PALS2: variants seen among roughly 807,000 people sequenced by gnomAD.
PALS2 encodes the protein protein PALS2.
A neutral mutation model predicts 61.6 loss-of-function variants in PALS2; 27 were observed. That is an observed-to-expected ratio of 0.44 (90% CI 0.32 to 0.60). The LOEUF (loss-of-function observed/expected upper bound fraction) is 0.60, where lower values mean the gene tolerates loss of function less well. PALS2 is among the 20% of genes least tolerant of loss of function. PALS2 has a pLI of 0.05. For synonymous variants in PALS2, 236 were observed against 218.6 expected (o/e 1.08, Z -0.70); for missense variants, 554 against 639.4 (o/e 0.87, Z 1.44).
At chr7:24,619,223 C>CTTTGTT in intron 1 of PALS2, among the ~76,000 whole-genome samples, 1 of 152,104 alleles carries the variant, frequency 6.6e-6, no homozygotes, top group East Asian at 1.9e-4. Flanking sequence ...ACAATTTAAT[C>CTTTGTT]TTTGTTTTTG....
At chr7:24,676,135 A>T (rs528648367) in intron 9 of PALS2, among the ~76,000 whole-genome samples, 1 of 151,822 alleles carries the variant, frequency 6.6e-6, no homozygotes, top group South Asian at 2.1e-4. Context: ...CATTTCTCTG[A>T]TGGCCAGTGA....
intron 2 of PALS2, among the ~76,000 whole-genome samples, chr7:24,627,686 C>G (rs979277592): frequency 6.6e-6 from 1 of 152,008 alleles, no homozygotes; most frequent in Non-Finnish European, 1.5e-5. Context: ...AAAGGGGATA[C>G]CATCACTGAT....
intron 9 of PALS2, among the ~76,000 whole-genome samples, chr7:24,675,189 G>C (rs979374889): frequency 6.6e-6 from 1 of 151,974 alleles, no homozygotes; most frequent in Non-Finnish European, 1.5e-5. Context: ...TGGAGGTAGA[G>C]GTAATACATG....
intron 2 of PALS2, among the ~76,000 whole-genome samples, chr7:24,641,444 AT>A (rs1562634676): frequency 6.6e-6 from 1 of 152,160 alleles, no homozygotes; most frequent in Non-Finnish European, 1.5e-5. Context: ...TTTGTAAATA[AT>A]TAGCTGACTT....
At chr7:24,654,585 A>C (rs1282744980) in intron 5 of PALS2, among the ~76,000 whole-genome samples, 1 of 152,184 alleles carries the variant, frequency 6.6e-6, no homozygotes, top group Non-Finnish European at 1.5e-5. Flanking sequence ...ACCTCTACAC[A>C]AAGGAATTAT....
chr7:24,644,081 A>G (rs980019666), intron 3 of PALS2, among the ~76,000 whole-genome samples: 1 of 148,912 alleles, frequency 6.7e-6, no homozygotes, highest in Non-Finnish European at 1.5e-5. Flanking sequence ...GCCTAAATCA[A>G]TATTTTCTTT....
Position 24,668,657 on chromosome 7 carries a change from C to A in PALS2, c.1111C>A (p.Pro371Thr). 6.2e-7 allele frequency: 1 copy of A among 1,613,480 alleles called. No individual in the cohort carries two copies. The highest frequency in any genetic ancestry group is 8.5e-7 in the Non-Finnish European group (1 of 1,179,748). The change falls in exon 9 of 12, where the codon CCA becomes ACA. Residue 371 changes from proline (P) to threonine (T), a missense_variant. Coordinates refer to ENST00000222644, the MANE Select transcript of PALS2 (RefSeq NM_001303037.2). ...LNPTRFGTTV[P>T]FTSRKPREDE... ...TCCCACTAGATTTGGAACTACGGTG[C>A]CATGTAAGTTTTCTGTGTTTTCCTT...
intron 2 of PALS2, among the ~76,000 whole-genome samples, chr7:24,638,322 C>T (rs377558528): frequency 0.018 from 204 of 11,652 alleles, 2 homozygotes; most frequent in East Asian, 0.02. Context: ...TCTGTATTTT[C>T]TTTTTTTTTT....
Position 24,691,752 on chromosome 7 carries a change from A to G in PALS2, c.*4138A>G, listed in dbSNP as rs772613306. On this transcript the variant is annotated 3_prime_UTR_variant, in exon 12 of 12. Coordinates refer to ENST00000222644, the MANE Select transcript of PALS2 (RefSeq NM_001303037.2). Reference sequence around the variant, plus strand: ...AATTCTTATTTAAACTTTTGAATGAATCTTTAATATGATTCAGGCTGAGAT... The same window carrying G: ...AATTCTTATTTAAACTTTTGAATGAGTCTTTAATATGATTCAGGCTGAGAT... 1 of 152,018 alleles carries G rather than the reference A, an allele frequency of 6.6e-6. No individual in the cohort carries two copies. The highest frequency in any genetic ancestry group is 1.5e-5 in the Non-Finnish European group (1 of 67,930). 9.4% of individuals were successfully genotyped at this position (152,018 alleles called of 1,614,324 possible). A position where few individuals can be genotyped will look rare whatever the true frequency, so the allele number is the denominator to read the frequency against.
rs74993177 is a variant in PALS2 at position 24,603,406 on chromosome 7, A to G, written c.-2-20260A>G. Among the ~76,000 whole-genome samples, 37 of 152,342 alleles carry G rather than the reference A, an allele frequency of 2.4e-4. 2 individuals carry two copies. The East Asian group carries it at 6.8e-3, about 28-fold the overall frequency. Reference sequence around the variant, plus strand: ...ATAGAGAAAACCTGCTGCTGTGCTAATTTGACATTGTGGACCAGCAGAAAT... The same window carrying G: ...ATAGAGAAAACCTGCTGCTGTGCTAGTTTGACATTGTGGACCAGCAGAAAT... On this transcript the variant is annotated intron_variant, in intron 1 of 11. Coordinates refer to ENST00000222644, the MANE Select transcript of PALS2 (RefSeq NM_001303037.2).
At chr7:24,576,521 A>C (rs1238724440) in intron 1 of PALS2, among the ~76,000 whole-genome samples, 1 of 152,236 alleles carries the variant, frequency 6.6e-6, no homozygotes, top group Admixed American at 6.5e-5. Flanking sequence ...GCATGCTTAC[A>C]AAGTATCATT....
chr7:24,655,698 G>A (rs1033826942), intron 5 of PALS2, among the ~76,000 whole-genome samples: 2 of 143,256 alleles, frequency 1.4e-5, no homozygotes, highest in African/African-American at 2.6e-5. Flanking sequence ...GTGCAGTGGC[G>A]TGATCTTGGC....
intron 1 of PALS2, among the ~76,000 whole-genome samples, chr7:24,594,461 A>G (rs1346690555): frequency 6.6e-6 from 1 of 152,034 alleles, no homozygotes; most frequent in Non-Finnish European, 1.5e-5. Context: ...TCCCTTCCTT[A>G]TTAAATGTAA....
intron 1 of PALS2, among the ~76,000 whole-genome samples, chr7:24,601,400 G>T (rs566880739): frequency 2.0e-5 from 3 of 151,906 alleles, no homozygotes; most frequent in South Asian, 4.1e-4. Flanking sequence ...TCAACTTTCA[G>T]TGCATTCATT....
At chr7:24,612,576 A>G (rs769652307) in intron 1 of PALS2, among the ~76,000 whole-genome samples, 3 of 151,700 alleles carry the variant, frequency 2.0e-5, no homozygotes, top group Non-Finnish European at 3.0e-5. Context: ...CATTTAATCA[A>G]TTTATTTTAA....
chr7:24,673,922 G>T (rs138696085), intron 9 of PALS2, among the ~76,000 whole-genome samples: 89 of 151,898 alleles, frequency 5.9e-4, no homozygotes, highest in African/African-American at 2.1e-3. Flanking sequence ...TTCCCTCTAA[G>T]CACTTAGTTG....
In PALS2 at chr7:24,677,004, A is replaced by G. The variant is rs1333667718; in HGVS notation, c.1115-2127A>G. On this transcript the variant is annotated intron_variant, in intron 9 of 11. Coordinates refer to ENST00000222644, the MANE Select transcript of PALS2 (RefSeq NM_001303037.2). ...TTCACGATATTGATTCTTCCTACCC[A>G]TGAGCATGGAATGTTCTTGCATTTG... is the stretch of plus-strand genomic sequence containing the variant. Among the ~76,000 whole-genome samples, 7 of 151,402 alleles carry G rather than the reference A, an allele frequency of 4.6e-5. 2 individuals are homozygous for G. Among genetic ancestry groups the G allele is most frequent in the African/African-American group, 1.5e-4 (6 of 40,660 alleles).
chr7:24,616,912 A>G (rs998384724), intron 1 of PALS2, among the ~76,000 whole-genome samples: 3 of 152,136 alleles, frequency 2.0e-5, no homozygotes, highest in Non-Finnish European at 4.4e-5. Flanking sequence ...GATTTTATCA[A>G]TTCGAGGACT....
intron 11 of PALS2, among the ~76,000 whole-genome samples, chr7:24,684,870 T>G (rs1031848994): frequency 1.3e-5 from 2 of 152,226 alleles, no homozygotes; most frequent in African/African-American, 4.8e-5. Flanking sequence ...GTTATATCTG[T>G]ATTAACAATA....
Sources: gnomAD v4.1 joint callset for allele counts (sites outside exome capture counted in the v4.1 genomes callset) on GRCh38, gnomAD v4.1.1 for gene constraint, MANE v1.5 for transcripts, NCBI Gene and HGNC (gene_info 2026-07-23, HGNC 2026-07-21) for gene names.